The following ROBO1 variants were observed in gnomAD, a reference collection of about 807,000 sequenced individuals.
ROBO1 encodes roundabout guidance receptor 1.
In ROBO1, 149 loss-of-function variants were observed where a neutral mutation model predicts 195.9. The ratio of observed to expected loss-of-function variants is 0.76; its 90% confidence interval spans 0.67 to 0.87. The LOEUF is 0.87. Ranked by LOEUF, ROBO1 falls within the 40% of genes least tolerant of loss-of-function variation. The pLI is 0.00. For missense variants in ROBO1, 1,933 were observed against 2,068.3 expected, an observed-to-expected ratio of 0.93 and a Z score of 1.27; for synonymous variants, 816 against 733.2, an observed-to-expected ratio of 1.11 and a Z score of -1.82.
intron 2 of ROBO1, among the ~76,000 whole-genome samples, chr3:79,436,093 A>C (rs996768678): frequency 1.3e-5 from 2 of 152,190 alleles, no homozygotes; most frequent in Non-Finnish European, 2.9e-5. Flanking sequence ...AGAAAGAATA[A>C]TAAGTTCTCA....
At chr3:78,858,564 CAAAAAAA>C (rs554355096) in intron 4 of ROBO1, among the ~76,000 whole-genome samples, 1 of 96,510 alleles carries the variant, frequency 1.0e-5, no homozygotes, top group African/African-American at 3.6e-5. Flanking sequence ...CCCTGTCTAC[CAAAAAAA>C]AAAAAAAAAA....
chr3:79,567,130 T>C (rs982253469), intron 2 of ROBO1, among the ~76,000 whole-genome samples: 28 of 152,154 alleles, frequency 1.8e-4, no homozygotes, highest in African/African-American at 6.5e-4. Context: ...GAGGCCATTA[T>C]TCTTAGCAAA....
chr3:78,661,265 TTAAAAAGACAAG>T lies in ROBO1; in HGVS notation c.2089-16_2089-5del. 6.8e-7 allele frequency: 1 copy of T among 1,467,488 alleles called. No homozygotes were observed. Among genetic ancestry groups the T allele is most frequent in the South Asian group, 1.4e-5 (1 of 72,674 alleles). The allele number at this position is 1,467,488 out of a possible 1,614,324, so 90.9% of individuals were successfully genotyped here. A position where few individuals can be genotyped will look rare whatever the true frequency, so the allele number is the denominator to read the frequency against. ...TATACTGAGACTGTTGATCTACCTA[TTAAAAAGACAAG>T]TAAAATGTAATTATTCATATTATTG... On this transcript the variant is annotated splice_region_variant and splice_polypyrimidine_tract_variant and intron_variant, in intron 15 of 30. Coordinates refer to ENST00000464233, the MANE Select transcript of ROBO1 (RefSeq NM_002941.4).
intron 4 of ROBO1, among the ~76,000 whole-genome samples, chr3:78,920,079 T>G (rs2107590425): frequency 6.6e-6 from 1 of 152,322 alleles, no homozygotes; most frequent in Non-Finnish European, 1.5e-5. Context: ...AAATGTAAAT[T>G]AAAAACTGCG....
chr3:79,028,561 C>A (rs564101037), intron 3 of ROBO1, among the ~76,000 whole-genome samples: 8 of 151,980 alleles, frequency 5.3e-5, no homozygotes, highest in East Asian at 3.9e-4. Flanking sequence ...TGTTTTCTGG[C>A]TAAAGTCTTA....
intron 2 of ROBO1, among the ~76,000 whole-genome samples, chr3:79,534,032 G>C (rs1941758199): frequency 6.6e-6 from 1 of 151,284 alleles, no homozygotes; most frequent in South Asian, 2.1e-4. Flanking sequence ...ATGCAGAAGA[G>C]GAAAGCAGAT....
Position 78,617,802 on chromosome 3 carries a change from T to C in ROBO1, c.4115A>G (p.Asn1372Ser). The C allele has an allele frequency of 6.2e-6, 10 of 1,613,894 alleles. No individual in the cohort carries two copies. Among genetic ancestry groups the C allele is most frequent in the Non-Finnish European group, 8.5e-6 (10 of 1,179,858 alleles). The change falls in exon 27 of 31, where the codon AAC becomes AGC. Residue 1372 changes from asparagine to serine, a missense_variant. Asn to Ser is a conservative substitution (Grantham distance 46, BLOSUM62 1). Transcript: ENST00000464233. Reference sequence around the variant, plus strand: ...CTCCTCTGAGGCTGAGCCCCAGCCGTTGATCATGGACCCCGTGACAGAGCT... The same window carrying C: ...CTCCTCTGAGGCTGAGCCCCAGCCGCTGATCATGGACCCCGTGACAGAGCT... Reference protein sequence around the residue: ...LESSVTGSMINGWGSASEEDN... With the variant: ...LESSVTGSMISGWGSASEEDN...
At chr3:79,031,442 T>C (rs576602814) in intron 3 of ROBO1, among the ~76,000 whole-genome samples, 1 of 152,316 alleles carries the variant, frequency 6.6e-6, no homozygotes, top group South Asian at 2.1e-4. Flanking sequence ...ACTTGCTCTT[T>C]GGAGCAGGAA....
chr3:79,733,772 G>C (rs7627096), intron 1 of ROBO1, among the ~76,000 whole-genome samples: 6 of 151,830 alleles, frequency 4.0e-5, no homozygotes, highest in African/African-American at 7.3e-5. Flanking sequence ...CACTGCTTTG[G>C]GTTGTCTGTT....
chr3:79,610,681 C>T (rs754153952), intron 1 of ROBO1, among the ~76,000 whole-genome samples: 4 of 151,900 alleles, frequency 2.6e-5, no homozygotes, highest in East Asian at 1.9e-4. Context: ...TGTGGAAAGA[C>T]GAGATATCAT....
intron 2 of ROBO1, among the ~76,000 whole-genome samples, chr3:79,280,118 G>A (rs1383087709): frequency 1.3e-5 from 2 of 152,060 alleles, no homozygotes; most frequent in Admixed American, 6.6e-5. Context: ...ATAGGGATAG[G>A]TAGAGATTTG....
At chr3:78,930,617 G>C (rs72904254) in intron 4 of ROBO1, among the ~76,000 whole-genome samples, 1 of 152,092 alleles carries the variant, frequency 6.6e-6, no homozygotes, top group Non-Finnish European at 1.5e-5. Context: ...GCTTGACCTT[G>C]ACCTTGTCAT....
intron 3 of ROBO1, among the ~76,000 whole-genome samples, chr3:79,068,366 T>G (rs62259660): frequency 6.6e-6 from 1 of 151,820 alleles, no homozygotes; most frequent in African/African-American, 2.4e-5. Context: ...CTCCTAACCA[T>G]GGGCATGGTT....
chr3:79,653,061 C>A (rs114291869), intron 1 of ROBO1, among the ~76,000 whole-genome samples: 515 of 151,724 alleles, frequency 3.4e-3, no homozygotes, highest in Non-Finnish European at 5.8e-3. Flanking sequence ...TGTTTCTGAG[C>A]AATTTGGAAT....
chr3:78,916,167 G>A (rs1199470942), intron 4 of ROBO1, among the ~76,000 whole-genome samples: 4 of 149,502 alleles, frequency 2.7e-5, no homozygotes, highest in Admixed American at 6.7e-5. Context: ...GGAGAATGGC[G>A]TGAACCCGGG....
chr3:79,221,859 T>C (rs1008966185), intron 2 of ROBO1, among the ~76,000 whole-genome samples: 1 of 152,134 alleles, frequency 6.6e-6, no homozygotes, highest in Non-Finnish European at 1.5e-5. Context: ...AGAAATAATA[T>C]GGTTATCTCT....
chr3:79,260,828 CATG>C lies in ROBO1; in HGVS notation c.89-135292_89-135290del, dbSNP rs146884420. 1.9e-4 allele frequency among the ~76,000 whole-genome samples: 29 copies of C among 152,210 alleles called. 1 individual carries two copies. In the East Asian group the frequency reaches 5.4e-3, roughly 28 times the overall value. On this transcript the variant is annotated intron_variant, in intron 2 of 30. Coordinates refer to ENST00000464233, the MANE Select transcript of ROBO1 (RefSeq NM_002941.4). ...TAATGAATTATCTGTGACCCAAAAT[CATG>C]ATATCTAATTTTCCATATAACAAGT...
chr3:79,764,110 T>C (rs1266740916), intron 1 of ROBO1, among the ~76,000 whole-genome samples: 1 of 152,208 alleles, frequency 6.6e-6, no homozygotes, highest in South Asian at 2.1e-4. Flanking sequence ...TGTAGACATC[T>C]AATAAAGCCT....
At chr3:79,140,681 AAC>A (rs2080506922) in intron 2 of ROBO1, among the ~76,000 whole-genome samples, 1 of 152,186 alleles carries the variant, frequency 6.6e-6, no homozygotes, top group Non-Finnish European at 1.5e-5. Context: ...GCAATGAGAA[AAC>A]ACACACTCTG....
Sources: allele counts gnomAD v4.1 joint callset (sites outside exome capture counted in the v4.1 genomes callset), GRCh38; gene constraint gnomAD v4.1.1; transcripts MANE v1.5; gene names NCBI Gene and HGNC (gene_info 2026-07-23, HGNC 2026-07-21).